The following MACF1 variants were observed in gnomAD, a reference collection of about 807,000 sequenced individuals.
MACF1 encodes the protein microtubule-actin cross-linking factor 1.
Under a neutral mutation model 854.8 loss-of-function variants are expected in MACF1, and 193 were observed. That is an observed-to-expected ratio of 0.23 (90% CI 0.20 to 0.25). The LOEUF (loss-of-function observed/expected upper bound fraction) is 0.25, where lower values mean the gene tolerates loss of function less well. MACF1 is among the 10% of genes least tolerant of loss of function. The pLI is 1.00. For missense variants in MACF1, 7,722 were observed against 8,929.1 expected (o/e 0.86, Z 5.45); for synonymous variants, 3,185 against 3,226.7 (o/e 0.99, Z 0.44).
rs1391787225 is a variant in MACF1 at position 39,292,049 on chromosome 1, T to A, written c.1914+11T>A. ...GCCAGGTTGTATGAGGTGCGTAGCC[T>A]TCAGAATCCACATTACAGGAGGGAC... is the stretch of plus-strand genomic sequence containing the variant. On this transcript the variant is annotated intron_variant, in intron 16 of 100. Coordinates refer to ENST00000564288, the MANE Select transcript of MACF1 (RefSeq NM_001394062.1). The A allele has an allele frequency of 6.2e-7, 1 of 1,613,032 alleles. No homozygotes were observed. Among genetic ancestry groups the A allele is most frequent in the Non-Finnish European group, 8.5e-7 (1 of 1,179,578 alleles).
chr1:39,247,096 G>A (rs1330066838), intron 2 of MACF1, among the ~76,000 whole-genome samples: 4 of 103,798 alleles, frequency 3.9e-5, no homozygotes, highest in African/African-American at 1.5e-4. Flanking sequence ...TTTTTGAGAC[G>A]GAGTTTCGCT....
At chr1:39,311,089 A>G in intron 26 of MACF1, 89 bp downstream of exon 26, 1 of 1,416,554 alleles carries the variant, frequency 7.1e-7, no homozygotes, top group South Asian at 1.3e-5. Context: ...CTAAGAAATG[A>G]GGCAATAGAC....
intron 52 of MACF1, among the ~76,000 whole-genome samples, chr1:39,376,592 C>T (rs1450804645): frequency 6.6e-6 from 1 of 152,138 alleles, no homozygotes; most frequent in Non-Finnish European, 1.5e-5. Flanking sequence ...CCTACTAGTC[C>T]AGTTTCTTTT....
rs745501020 is a variant in MACF1, at chr1:39,441,210, T to C, written c.18571-14T>C. The C allele has an allele frequency of 6.2e-7, 1 of 1,614,002 alleles. No homozygotes were observed. On this transcript the variant is annotated splice_polypyrimidine_tract_variant and intron_variant, in intron 73 of 100. Coordinates refer to ENST00000564288, the MANE Select transcript of MACF1 (RefSeq NM_001394062.1). ...GTATTGATTGAAGAATCTGATTGAATGTTTTTCCCCTAGATGAATAATGCT... is the reference window on the plus strand; with the variant it reads ...GTATTGATTGAAGAATCTGATTGAACGTTTTTCCCCTAGATGAATAATGCT...
In MACF1 at chr1:39,292,013, G is replaced by A. The variant is rs1441933307; in HGVS notation, c.1889G>A (p.Ser630Asn). 1 of 1,614,050 alleles carries A rather than the reference G, an allele frequency of 6.2e-7. No individual in the cohort carries two copies. The highest frequency in any genetic ancestry group is 8.5e-7 in the Non-Finnish European group (1 of 1,179,988). ...IHTSVEELGS[S>N]VKEARLYEGK... ...ACGAGTGTAGAAGAGCTGGGCTCAA[G>A]TGTCAAGGAGGCCAGGTTGTATGAG... The change falls in exon 16 of 101, where the codon AGT (serine) becomes AAT (asparagine). Residue 630 changes from serine (S) to asparagine (N), a missense_variant. Coordinates refer to ENST00000564288, the MANE Select transcript of MACF1 (RefSeq NM_001394062.1).
chr1:39,182,904 A>T (rs1644123212), intron 2 of MACF1, among the ~76,000 whole-genome samples: 1 of 152,214 alleles, frequency 6.6e-6, no homozygotes, highest in Admixed American at 6.5e-5. Context: ...CTCGTACATA[A>T]ATGTTCATAG....
At chr1:39,272,668 T>A (rs1261225314) in intron 6 of MACF1, among the ~76,000 whole-genome samples, 3 of 152,206 alleles carry the variant, frequency 2.0e-5, no homozygotes, top group African/African-American at 7.2e-5. Flanking sequence ...AACTTCACCA[T>A]GGGTTTTGTT....
intron 2 of MACF1, among the ~76,000 whole-genome samples, chr1:39,247,506 T>C (rs536259981): frequency 5.9e-5 from 9 of 152,296 alleles, no homozygotes; most frequent in Non-Finnish European, 1.0e-4. Flanking sequence ...ACTCTTGAGG[T>C]TATGTCTGTT....
intron 47 of MACF1, among the ~76,000 whole-genome samples, chr1:39,360,052 TACACAC>T (rs373864736): frequency 8.0e-5 from 4 of 49,882 alleles, no homozygotes; most frequent in South Asian, 7.0e-4. Context: ...TATATATATA[TACACAC>T]ACACACACAC....
intron 20 of MACF1, among the ~76,000 whole-genome samples, chr1:39,297,124 C>T (rs1459792782): frequency 6.6e-6 from 1 of 152,060 alleles, no homozygotes; most frequent in Non-Finnish European, 1.5e-5. Context: ...GACGGGGTTT[C>T]ACCATGTTAG....
chr1:39,232,516 A>C (rs1012265845), intron 2 of MACF1, among the ~76,000 whole-genome samples: 1 of 151,974 alleles, frequency 6.6e-6, no homozygotes, highest in African/African-American at 2.4e-5. Context: ...TGACTCTTCC[A>C]TGATGGTGTT....
Position 39,385,498 on chromosome 1 carries a change from G to A in MACF1, c.13913G>A (p.Gly4638Asp). 1 of 1,614,130 alleles carries A rather than the reference G, an allele frequency of 6.2e-7. No homozygotes were observed. Among genetic ancestry groups the A allele is most frequent in the Non-Finnish European group, 8.5e-7 (1 of 1,180,016 alleles). The change falls in exon 57 of 101, where the codon GGC becomes GAC. Residue 4638 changes from glycine to aspartate, a missense_variant. Gly to Asp is a moderately conservative substitution (Grantham distance 94). This residue lies in a region of MACF1 where 2,807 missense variants were observed against 3,235.8 expected (regional missense o/e 0.87). Transcript: ENST00000564288. ...GAGCAACTGAATGAGGCAGCTCAGG[G>A]CATCCTAACAGGCCCTGGAGATGTC... ...QHEQLNEAAQ[G>D]ILTGPGDVSL...
intron 58 of MACF1, among the ~76,000 whole-genome samples, chr1:39,408,622 G>C (rs2148606664): frequency 6.6e-6 from 1 of 152,206 alleles, no homozygotes; most frequent in East Asian, 1.9e-4. Flanking sequence ...TCGGAGCCGG[G>C]CCGGTTGGAG....
At chr1:39,249,897 G>T (rs1571221836) in intron 2 of MACF1, 117 bp from the exon 3 acceptor site, 1 of 547,088 alleles carries the variant, frequency 1.8e-6, no homozygotes, top group Non-Finnish European at 3.3e-6. Flanking sequence ...TTATTTAATT[G>T]TTGCTTCCAC....
chr1:39,419,000 G>A (rs1169791466), intron 58 of MACF1, among the ~76,000 whole-genome samples: 3 of 152,190 alleles, frequency 2.0e-5, no homozygotes, highest in Non-Finnish European at 1.5e-5. Flanking sequence ...ATGTCTGCCA[G>A]TACTGCTTAG....
At chr1:39,342,809 C>T (rs757628285) in intron 40 of MACF1, among the ~76,000 whole-genome samples, 2 of 152,146 alleles carry the variant, frequency 1.3e-5, no homozygotes, top group Non-Finnish European at 2.9e-5. Flanking sequence ...CATGAGCCAC[C>T]GCGTCTGGCC....
intron 26 of MACF1, among the ~76,000 whole-genome samples, chr1:39,314,494 G>A (rs540172156): frequency 2.0e-5 from 3 of 148,156 alleles, no homozygotes; most frequent in African/African-American, 7.5e-5. Context: ...ACATATACAT[G>A]TACGTAAGTT....
At position 39,422,948 on chromosome 1, in the gene MACF1, G is replaced by A. The variant is rs769470712; in HGVS notation, c.16149+48G>A. 1.4e-5 allele frequency: 22 copies of A among 1,542,666 alleles called. No individual in the cohort carries two copies. In the East Asian group the frequency reaches 4.3e-4, roughly 30 times the overall value. ...TGAACTGTAACAGCCGTAGGGAGTAGTAGACAACACATTTGCTTATAGTTT... is the reference window on the plus strand; with the variant it reads ...TGAACTGTAACAGCCGTAGGGAGTAATAGACAACACATTTGCTTATAGTTT... On this transcript the variant is annotated intron_variant, in intron 60 of 100. Coordinates refer to ENST00000564288, the MANE Select transcript of MACF1 (RefSeq NM_001394062.1).
chr1:39,206,221 G>T (rs567891099), intron 1 of MACF1, among the ~76,000 whole-genome samples: 1 of 152,318 alleles, frequency 6.6e-6, no homozygotes, highest in Admixed American at 6.5e-5. Context: ...ATCTATAGCA[G>T]CGGAAACAAA....
Sources: gnomAD v4.1 joint callset for allele counts (sites outside exome capture counted in the v4.1 genomes callset) on GRCh38, gnomAD v4.1.1 for gene constraint, gnomAD v4.1.1 regional missense constraint, MANE v1.5 for transcripts, NCBI Gene and HGNC (gene_info 2026-07-23, HGNC 2026-07-21) for gene names.